The following PICALM variants were observed in gnomAD, a reference collection of about 807,000 sequenced individuals.
PICALM encodes phosphatidylinositol binding clathrin assembly protein.
A neutral mutation model predicts 80.5 loss-of-function variants in PICALM; 40 were observed. The ratio of observed to expected loss-of-function variants is 0.50; its 90% confidence interval spans 0.39 to 0.65. The LOEUF (loss-of-function observed/expected upper bound fraction) is 0.65. PICALM is among the 30% of genes least tolerant of loss of function. The pLI, the probability that PICALM is intolerant of heterozygous loss-of-function variation, is 0.00. For missense variants in PICALM, 676 were observed against 778.9 expected (o/e 0.87, Z 1.57); for synonymous variants, 288 against 260.3 (o/e 1.11, Z -1.02).
chr11:85,967,255 T>C lies in PICALM; in HGVS notation c.1944+7453A>G, dbSNP rs116621165. 4.1e-3 allele frequency among the ~76,000 whole-genome samples: 631 copies of C among 152,362 alleles called. 5 individuals are homozygous for C. Among genetic ancestry groups the C allele is most frequent in the African/African-American group, 0.014 (601 of 41,582 alleles). On this transcript the variant is annotated intron_variant, in intron 19 of 19. Coordinates refer to ENST00000393346, the MANE Select transcript of PICALM (RefSeq NM_007166.4). ...TGAGACAATACATTCCCATTCTTTC[T>C]GTATACACAGTATTATACATGGTCA... is the stretch of plus-strand genomic sequence containing the variant.
At chr11:85,969,634 C>A (rs1210238824) in intron 19 of PICALM, 4 of 399,704 alleles carry the variant, frequency 1.0e-5, no homozygotes, top group African/African-American at 2.1e-5. Context: ...AATCATTAAA[C>A]ATGCTTTAAA....
At chr11:86,047,290 G>A (rs1286224414) in intron 1 of PICALM, among the ~76,000 whole-genome samples, 3 of 152,182 alleles carry the variant, frequency 2.0e-5, no homozygotes, top group Admixed American at 2.0e-4. Context: ...AGTATACACA[G>A]TAGGCCACCT....
intron 1 of PICALM, among the ~76,000 whole-genome samples, chr11:86,032,780 G>C (rs910642482): frequency 6.6e-6 from 1 of 152,074 alleles, no homozygotes; most frequent in African/African-American, 2.4e-5. Flanking sequence ...ACATTAATTT[G>C]TTCACTTTTA....
chr11:85,968,766 G>A (rs965784192), intron 19 of PICALM, among the ~76,000 whole-genome samples: 1 of 151,988 alleles, frequency 6.6e-6, no homozygotes, highest in Non-Finnish European at 1.5e-5. Context: ...GCACAGAAGA[G>A]AAACAAAAGG....
Position 85,960,720 on chromosome 11 carries a change from G to A in PICALM, c.1945-1660C>T, listed in dbSNP as rs1476235681. 3.0e-6 allele frequency: 4 copies of A among 1,319,606 alleles called. No homozygotes were observed. In the South Asian group the frequency reaches 4.9e-5, roughly 16 times the overall value. The allele number at this position is 1,319,606 out of a possible 1,614,324, so 81.7% of individuals were successfully genotyped here. On this transcript the variant is annotated intron_variant, in intron 19 of 19. Transcript: ENST00000393346. Reference sequence around the variant, plus strand: ...TCCTCCAAAGAGAGCTCTGCAAAGGGGTCCTTTCCTGAAGCTCTGTGAGGA... The same window carrying A: ...TCCTCCAAAGAGAGCTCTGCAAAGGAGTCCTTTCCTGAAGCTCTGTGAGGA...
intron 17 of PICALM, chr11:85,978,219 CT>C (rs2094339597): frequency 5.3e-6 from 4 of 755,484 alleles, no homozygotes; most frequent in Non-Finnish European, 9.5e-6. Flanking sequence ...CCTAAAATCC[CT>C]TGTATTTCCA....
At chr11:86,003,172 A>T (rs551781118) in intron 9 of PICALM, among the ~76,000 whole-genome samples, 194 bp downstream of exon 9, 5 of 152,368 alleles carry the variant, frequency 3.3e-5, no homozygotes, top group African/African-American at 1.2e-4. Flanking sequence ...GGTCAGAAAC[A>T]ATTTCAAGAA....
At chr11:86,020,302 G>C (rs1317919857) in intron 4 of PICALM, among the ~76,000 whole-genome samples, 1 of 151,046 alleles carries the variant, frequency 6.6e-6, no homozygotes, top group Non-Finnish European at 1.5e-5. Flanking sequence ...TCCCCAAACT[G>C]ATCTATAGAT....
intron 17 of PICALM, among the ~76,000 whole-genome samples, chr11:85,979,762 T>C (rs1206360011): frequency 1.3e-5 from 2 of 152,212 alleles, no homozygotes; most frequent in Non-Finnish European, 1.5e-5. Context: ...CCGCAGCCTC[T>C]AACAGTAACA....
chr11:85,968,160 C>CA (rs1236695707), intron 19 of PICALM, among the ~76,000 whole-genome samples: 1 of 152,020 alleles, frequency 6.6e-6, no homozygotes. Context: ...GCTTGCTCTA[C>CA]AAAAAATTAA....
At chr11:86,048,338 A>T (rs1435651428) in intron 1 of PICALM, among the ~76,000 whole-genome samples, 2 of 152,202 alleles carry the variant, frequency 1.3e-5, no homozygotes, top group Non-Finnish European at 2.9e-5. Context: ...AAACCACTTG[A>T]AGATAGTGCC....
chr11:86,038,968 G>C lies in PICALM; in HGVS notation c.131-7357C>G, dbSNP rs140978346. ...CTATTAAAAATACAAAAATTAGCTG[G>C]ACGTGGTGACAACACGACTGTAATC... On this transcript the variant is annotated intron_variant, in intron 1 of 19. Coordinates refer to ENST00000393346, the MANE Select transcript of PICALM (RefSeq NM_007166.4). Among the ~76,000 whole-genome samples, 564 of 151,994 alleles carry C rather than the reference G, an allele frequency of 3.7e-3. 3 individuals carry two copies. The highest frequency in any genetic ancestry group is 0.024 in the Middle Eastern group (7 of 294).
At chr11:86,049,979 C>A (rs1365194282) in intron 1 of PICALM, among the ~76,000 whole-genome samples, 1 of 151,784 alleles carries the variant, frequency 6.6e-6, no homozygotes, top group Non-Finnish European at 1.5e-5. Flanking sequence ...GTGGGTGGAT[C>A]ACCTGAAGTC....
At chr11:86,027,885 G>A (rs2095675919) in intron 2 of PICALM, among the ~76,000 whole-genome samples, 1 of 152,028 alleles carries the variant, frequency 6.6e-6, no homozygotes, top group South Asian at 2.1e-4. Context: ...GAAAATCAAT[G>A]TGTAAACTGA....
intron 1 of PICALM, among the ~76,000 whole-genome samples, chr11:86,064,622 T>G (rs1317396330): frequency 7.0e-6 from 1 of 142,268 alleles, no homozygotes; most frequent in African/African-American, 2.6e-5. Context: ...CACTCCAGCC[T>G]GGGCAACAGA....
chr11:86,017,908 G>A (rs1328410401), intron 4 of PICALM, among the ~76,000 whole-genome samples: 1 of 152,182 alleles, frequency 6.6e-6, no homozygotes, highest in African/African-American at 2.4e-5. Context: ...ATGTGTGTGT[G>A]CGCCTGTGTG....
intron 18 of PICALM, 126 bp downstream of exon 18, chr11:85,976,497 C>T: frequency 1.6e-6 from 1 of 608,944 alleles, no homozygotes; most frequent in Non-Finnish European, 3.0e-6. Flanking sequence ...TATGGTTCTA[C>T]TGCATTAGGC....
intron 1 of PICALM, among the ~76,000 whole-genome samples, chr11:86,057,328 C>T (rs1307506812): frequency 6.6e-6 from 1 of 152,162 alleles, no homozygotes; most frequent in African/African-American, 2.4e-5. Flanking sequence ...ATCACGAGGT[C>T]AGGAGTTTGA....
intron 13 of PICALM, among the ~76,000 whole-genome samples, chr11:85,986,568 T>C (rs889252540): frequency 6.6e-6 from 1 of 151,178 alleles, no homozygotes; most frequent in Non-Finnish European, 1.5e-5. Flanking sequence ...TTTTTTGTAT[T>C]TTTAGTAGAG....
Sources: allele counts gnomAD v4.1 joint callset (sites outside exome capture counted in the v4.1 genomes callset), GRCh38; gene constraint gnomAD v4.1.1; transcripts MANE v1.5; gene names NCBI Gene and HGNC (gene_info 2026-07-23, HGNC 2026-07-21).